GAL3ST1: variants seen among roughly 807,000 people sequenced by gnomAD.
The protein encoded by GAL3ST1 is galactose-3-O-sulfotransferase 1, also known as galactosylceramide sulfotransferase.
Under a neutral mutation model 25.0 loss-of-function variants are expected in GAL3ST1, and 13 were observed. The ratio of observed to expected loss-of-function variants is 0.52; its 90% CI spans 0.34 to 0.83. The LOEUF (loss-of-function observed/expected upper bound fraction) is 0.83. GAL3ST1 is among the 40% of genes least tolerant of loss of function. GAL3ST1 has a pLI of 0.02. For synonymous variants in GAL3ST1, 274 were observed against 277.8 expected (o/e 0.99, Z 0.14); for missense variants, 474 against 613.6 (o/e 0.77, Z 2.40).
chr22:30,555,791 T>A lies in GAL3ST1; in HGVS notation c.434A>T (p.His145Leu). 1 of 1,614,026 alleles carries A rather than the reference T, an allele frequency of 6.2e-7. No individual in the cohort carries two copies. The highest frequency in any genetic ancestry group is 8.5e-7 in the Non-Finnish European group (1 of 1,179,984). ...FNIICNHMRF[H>L]YDEVRGLVPT... ...CACCAGGCCGCGCACCTCGTCGTAG[T>A]GGAAGCGCATGTGGTTGCAGATGAT... is the stretch of plus-strand genomic sequence containing the variant. The change falls in exon 4 of 4, where the codon CAC becomes CTC. Residue 145 changes from histidine to leucine, a missense_variant. Coordinates refer to ENST00000406361, the MANE Select transcript of GAL3ST1 (RefSeq NM_001318104.2). This position sits in a 1 kb window ranked among gnomAD's most constrained non-coding sequence, Gnocchi z 8.6.
At chr22:30,563,304 G>T (rs2086507570) in intron 1 of GAL3ST1, 1 of 152,176 alleles carries the variant, frequency 6.6e-6, no homozygotes, top group South Asian at 2.1e-4. Context: ...AAACTACCTT[G>T]AGGCTATGTG....
At position 30,557,305 on chromosome 22, in the gene GAL3ST1, A is replaced by G. The variant is rs1173489292; in HGVS notation, c.88T>C (p.Tyr30His). The G allele has an allele frequency of 3.1e-6, 5 of 1,614,226 alleles. No homozygotes were observed. Among genetic ancestry groups the G allele is most frequent in the Non-Finnish European group, 4.2e-6 (5 of 1,180,014 alleles). The change falls in exon 3 of 4, where the codon TAC becomes CAC. Residue 30 changes from tyrosine (Y) to histidine (H), a missense_variant. Tyr to His is a moderately conservative substitution (Grantham distance 83, BLOSUM62 2). Around this residue, in one of 2 missense-constraint regions of GAL3ST1, gnomAD observed 115 missense variants for 109.2 expected, o/e 1.05. Transcript: ENST00000406361. ...TGCAGCGGGGGCACGGCATAGGAGTACACCAGCAGCAGGAAACTAGTGAAG... is the reference window on the plus strand; with the variant it reads ...TGCAGCGGGGGCACGGCATAGGAGTGCACCAGCAGCAGGAAACTAGTGAAG... ...ALFTSFLLLVYSYAVPPLHAG... is the reference protein window; with the variant it reads ...ALFTSFLLLVHSYAVPPLHAG...
In GAL3ST1 at chr22:30,563,815, C is replaced by G. The variant is rs555884048; in HGVS notation, c.-119-5427G>C. 1.1e-3 allele frequency among the ~76,000 whole-genome samples: 164 copies of G among 151,586 alleles called. 1 individual carries two copies. The highest frequency in any genetic ancestry group is 3.7e-3 in the African/African-American group (154 of 41,316). On this transcript the variant is annotated intron_variant, in intron 1 of 3. Transcript: ENST00000406361. Reference sequence around the variant, plus strand: ...CCTGTAGTCCCAGCTACTCAGGAGGCTGAGGCAGGAGAACGGCGTGAACCC... The same window carrying G: ...CCTGTAGTCCCAGCTACTCAGGAGGGTGAGGCAGGAGAACGGCGTGAACCC...
rs769839056 is a variant in GAL3ST1, at chr22:30,555,494, C to T, written c.731G>A (p.Arg244His). 14 of 1,613,112 alleles carry T rather than the reference C, an allele frequency of 8.7e-6. No individual in the cohort carries two copies. The Admixed American group carries it at 1.0e-4, about 12-fold the overall frequency. ...TTGAAGGAGCACCAGGTGGAAGCGACGCTCCACCTCCAGGATGTGCTCCTG... is the reference window on the plus strand; with the variant it reads ...TTGAAGGAGCACCAGGTGGAAGCGATGCTCCACCTCCAGGATGTGCTCCTG... ...QVQEHILEVE[R>H]RFHLVLLQEY... is the part of the protein sequence containing the mutation. The change falls in exon 4 of 4, where the codon CGT becomes CAT. Residue 244 changes from arginine to histidine, a missense_variant. Transcript: ENST00000406361. This position sits in a 1 kb window ranked among gnomAD's most constrained non-coding sequence, Gnocchi z 8.6.
At chr22:30,566,938 C>A (rs1336671151) in intron 1 of GAL3ST1, among the ~76,000 whole-genome samples, 5 of 151,964 alleles carry the variant, frequency 3.3e-5, no homozygotes, top group Non-Finnish European at 7.4e-5. Flanking sequence ...TCTCTACCCC[C>A]ACCCCCAGGA....
At chr22:30,570,548 G>A (rs1423671806) in intron 1 of GAL3ST1, among the ~76,000 whole-genome samples, 1 of 152,192 alleles carries the variant, frequency 6.6e-6, no homozygotes, top group Non-Finnish European at 1.5e-5. Context: ...TGTAATCCCA[G>A]CACTTTGGGA....
intron 1 of GAL3ST1, among the ~76,000 whole-genome samples, chr22:30,565,354 G>GTCACCTGC (rs1351259213): frequency 6.6e-6 from 1 of 152,208 alleles, no homozygotes; most frequent in Non-Finnish European, 1.5e-5. Context: ...GAGAGGTAAC[G>GTCACCTGC]TCACCTGCCC....
chr22:30,557,262 G>A lies in GAL3ST1; in HGVS notation c.131C>T (p.Thr44Met), dbSNP rs376326152. The A allele has an allele frequency of 1.8e-4, 294 of 1,613,976 alleles. 2 individuals are homozygous for A. In the South Asian group the frequency reaches 2.8e-3, roughly 15 times the overall value. Residue 44 changes from threonine to methionine, a missense_variant and splice_region_variant, in exon 3 of 4, where the codon ACG becomes ATG. By Grantham distance (81) the Thr-to-Met change is moderately conservative. Transcript: ENST00000406361. ...TCATCTGCCCAGCTGGGCCACTCACGTGGAGGCCAGGCCGGCATGCAGCGG... is the reference window on the plus strand; with the variant it reads ...TCATCTGCCCAGCTGGGCCACTCACATGGAGGCCAGGCCGGCATGCAGCGG... Reference protein sequence around the residue: ...VPPLHAGLASTTPEAAASCSP... With the variant: ...VPPLHAGLASMTPEAAASCSP...
chr22:30,567,738 C>G (rs1488807841), intron 1 of GAL3ST1, among the ~76,000 whole-genome samples: 2 of 152,032 alleles, frequency 1.3e-5, no homozygotes, highest in African/African-American at 4.8e-5. Flanking sequence ...TGCTGGAGTG[C>G]ACTGGGGCAA....
At chr22:30,570,235 C>G (rs912266862) in intron 1 of GAL3ST1, among the ~76,000 whole-genome samples, 4 of 152,122 alleles carry the variant, frequency 2.6e-5, no homozygotes, top group Non-Finnish European at 5.9e-5. Flanking sequence ...GGAATCCCAT[C>G]GGGATATGGA....
At position 30,557,365 on chromosome 22, in the gene GAL3ST1, C is replaced by A; in HGVS notation, c.28G>T (p.Glu10Ter). The A allele has an allele frequency of 6.2e-7, 1 of 1,614,092 alleles. No individual in the cohort carries two copies. The highest frequency in any genetic ancestry group is 8.5e-7 in the Non-Finnish European group (1 of 1,179,898). MLPPQKKPW[E>*]SMAKGLVLGA... ...AGCACCAGCCCCTTAGCCATGGACT[C>A]CCAGGGCTTCTTCTGCGGTGGCAGC... The change falls in exon 3 of 4, where the codon GAG becomes TAG. Residue 10 changes from glutamate to a stop codon, truncating the protein, a stop_gained. Transcript: ENST00000406361. LOFTEE classifies it high-confidence loss of function.
chr22:30,563,092 G>C (rs1044987998), intron 1 of GAL3ST1: 2 of 151,900 alleles, frequency 1.3e-5, no homozygotes, highest in Non-Finnish European at 2.9e-5. Context: ...CTCCAGCCTG[G>C]GTGACAGAGA....
chr22:30,557,273 G>A lies in GAL3ST1; in HGVS notation c.120C>T (p.Gly40=), dbSNP rs1358056270. The change falls in exon 3 of 4, where the codon GGC becomes GGT. Residue 40 remains glycine, a synonymous_variant. Coordinates refer to ENST00000406361, the MANE Select transcript of GAL3ST1 (RefSeq NM_001318104.2). ...YSYAVPPLHA[G]LASTTPEAAA... ...GCTGGGCCACTCACGTGGAGGCCAG[G>A]CCGGCATGCAGCGGGGGCACGGCAT... is the stretch of plus-strand genomic sequence containing the variant. 15 of 1,614,052 alleles carry A rather than the reference G, an allele frequency of 9.3e-6. No homozygotes were observed. Among genetic ancestry groups the A allele is most frequent in the African/African-American group, 1.3e-5 (1 of 74,932 alleles).
intron 2 of GAL3ST1, chr22:30,557,621 G>T (rs899162748): frequency 9.3e-5 from 44 of 475,070 alleles, no homozygotes; most frequent in Non-Finnish European, 1.6e-4. Context: ...AACTCAAAGA[G>T]AGGTTGGGGA....
intron 1 of GAL3ST1, among the ~76,000 whole-genome samples, chr22:30,571,640 G>A (rs1175082299): frequency 6.6e-6 from 1 of 152,206 alleles, no homozygotes; most frequent in Non-Finnish European, 1.5e-5. Flanking sequence ...GAGGCGGGCA[G>A]ATCACGAGGT....
chr22:30,557,015 G>A (rs966124788), intron 3 of GAL3ST1, among the ~76,000 whole-genome samples: 6 of 152,244 alleles, frequency 3.9e-5, no homozygotes, highest in South Asian at 2.1e-4. Flanking sequence ...GATTACAGGC[G>A]TGAGTTGCCG....
intron 1 of GAL3ST1, among the ~76,000 whole-genome samples, chr22:30,562,907 G>T (rs1439113413): frequency 3.3e-5 from 5 of 152,200 alleles, no homozygotes; most frequent in Non-Finnish European, 7.3e-5. Flanking sequence ...ACGAGGTCAG[G>T]AGTTCAAGAC....
intron 1 of GAL3ST1, among the ~76,000 whole-genome samples, chr22:30,559,923 C>G (rs1242309956): frequency 6.6e-6 from 1 of 152,230 alleles, no homozygotes; most frequent in Non-Finnish European, 1.5e-5. Context: ...CCCCTGAGGC[C>G]AGGAAAAGTC....
chr22:30,572,523 GCTC>G (rs2086814555), intron 1 of GAL3ST1, among the ~76,000 whole-genome samples: 1 of 152,192 alleles, frequency 6.6e-6, no homozygotes, highest in Non-Finnish European at 1.5e-5. Context: ...CTCAGCGTTA[GCTC>G]CTCTGATTGT....
Sources: gnomAD v4.1 joint callset for allele counts (sites outside exome capture counted in the v4.1 genomes callset) on GRCh38, gnomAD v4.1.1 for gene constraint, gnomAD v4.1.1 regional missense constraint, Gnocchi (gnomAD v3.1) non-coding constraint, MANE v1.5 for transcripts, NCBI Gene and HGNC (gene_info 2026-07-23, HGNC 2026-07-21) for gene names.